FOXP1: variants seen among roughly 807,000 people sequenced by gnomAD.
FOXP1 encodes the protein forkhead box P1, also known as forkhead box protein P1.
In FOXP1, 15 loss-of-function variants were observed where a neutral mutation model predicts 98.2. That is an observed-to-expected ratio of 0.15 (90% CI 0.10 to 0.24). FOXP1 has a LOEUF of 0.24. FOXP1 is among the 10% of genes least tolerant of loss of function. FOXP1 has a pLI of 1.00. For synonymous variants in FOXP1, 371 were observed against 314.5 expected (o/e 1.18, Z -1.90); for missense variants, 633 against 848.5 (o/e 0.75, Z 3.15).
intron 4 of FOXP1, among the ~76,000 whole-genome samples, chr3:71,352,491 A>AC (rs2077862896): frequency 6.6e-6 from 1 of 151,048 alleles, no homozygotes; most frequent in East Asian, 1.9e-4. Context: ...AAAAAAAAAA[A>AC]AACACAACAG....
intron 2 of FOXP1, among the ~76,000 whole-genome samples, chr3:71,549,860 T>TAAAAAA (rs55826932): frequency 3.3e-5 from 2 of 59,944 alleles, no homozygotes; most frequent in Non-Finnish European, 3.2e-5. Context: ...ATGCTGGGAG[T>TAAAAAA]AAAAAAAAAA....
At chr3:71,417,151 C>A (rs1306421713) in intron 3 of FOXP1, among the ~76,000 whole-genome samples, 1 of 152,174 alleles carries the variant, frequency 6.6e-6, no homozygotes, top group Non-Finnish European at 1.5e-5. Context: ...GGTGGAGCTG[C>A]GGCTGGAGAG....
chr3:71,558,802 C>CTTTTTTTTTTTTT (rs35405702), intron 2 of FOXP1, among the ~76,000 whole-genome samples: 6 of 117,544 alleles, frequency 5.1e-5, no homozygotes, highest in African/African-American at 2.1e-4. Context: ...CCGATTCTCA[C>CTTTTTTTTTTTTT]TTTTTTTTTT....
At chr3:71,224,125 T>C (rs1475180553) in intron 5 of FOXP1, among the ~76,000 whole-genome samples, 4 of 152,224 alleles carry the variant, frequency 2.6e-5, no homozygotes, top group Non-Finnish European at 4.4e-5. Context: ...TCTGCTGAAA[T>C]CTGGTGAGGA....
intron 4 of FOXP1, among the ~76,000 whole-genome samples, chr3:71,345,863 A>C (rs1443218678): frequency 7.4e-6 from 1 of 135,566 alleles, no homozygotes; most frequent in East Asian, 2.1e-4. Flanking sequence ...AAATCAATAA[A>C]GTTTTTGTAA....
chr3:71,433,374 T>TCAGAA (rs1317254993), intron 3 of FOXP1, among the ~76,000 whole-genome samples: 1 of 152,168 alleles, frequency 6.6e-6, no homozygotes, highest in African/African-American at 2.4e-5. Context: ...TACGTGTCTA[T>TCAGAA]CAGAACAGAG....
intron 3 of FOXP1, among the ~76,000 whole-genome samples, chr3:71,456,621 C>T (rs2087533787): frequency 6.6e-6 from 1 of 152,154 alleles, no homozygotes; most frequent in African/African-American, 2.4e-5. Flanking sequence ...TCTTCAACAT[C>T]ACTTTCTTGT....
chr3:71,395,808 T>C (rs1003533577), intron 3 of FOXP1, among the ~76,000 whole-genome samples: 2 of 151,790 alleles, frequency 1.3e-5, no homozygotes, highest in African/African-American at 4.9e-5. Flanking sequence ...TAATGTATTC[T>C]CCTCTTTATA....
intron 5 of FOXP1, among the ~76,000 whole-genome samples, chr3:71,213,368 A>G (rs1405150361): frequency 2.6e-5 from 4 of 152,260 alleles, no homozygotes; most frequent in Non-Finnish European, 5.9e-5. Context: ...TCCTTAACAC[A>G]TAAGACCTTT....
chr3:71,004,336 CGAT>C (rs746697842), intron 12 of FOXP1, among the ~76,000 whole-genome samples: 3 of 151,868 alleles, frequency 2.0e-5, no homozygotes, highest in African/African-American at 4.8e-5. Context: ...TATTTAATCA[CGAT>C]GATGATGATC....
chr3:71,321,970 T>G (rs928911054), intron 4 of FOXP1, among the ~76,000 whole-genome samples: 7 of 152,234 alleles, frequency 4.6e-5, no homozygotes, highest in Non-Finnish European at 8.8e-5. Flanking sequence ...TTAACTTTGC[T>G]GATCTTCACT....
At chr3:71,386,897 T>C (rs923319871) in intron 3 of FOXP1, among the ~76,000 whole-genome samples, 2 of 152,158 alleles carry the variant, frequency 1.3e-5, no homozygotes, top group Non-Finnish European at 2.9e-5. Flanking sequence ...GTTACTGAAT[T>C]CTTTACTCCT....
At chr3:71,581,394 C>T in intron 2 of FOXP1, 155 bp downstream of exon 2, 1 of 985,402 alleles carries the variant, frequency 1.0e-6, no homozygotes, top group Middle Eastern at 5.2e-4. Flanking sequence ...TTTCGAAGCA[C>T]CTACCGGCCT....
intron 3 of FOXP1, among the ~76,000 whole-genome samples, chr3:71,428,879 C>T (rs893792553): frequency 1.3e-5 from 2 of 152,206 alleles, no homozygotes; most frequent in African/African-American, 4.8e-5. Context: ...CAACCTGGCT[C>T]GGCCAGGAGG....
intron 11 of FOXP1, among the ~76,000 whole-genome samples, chr3:71,017,822 AC>A (rs2044738613): frequency 6.6e-6 from 1 of 152,232 alleles, no homozygotes; most frequent in African/African-American, 2.4e-5. Flanking sequence ...ACCAGAAGAT[AC>A]ATTCAGAGAA....
In FOXP1 at chr3:71,281,090, G is replaced by A. The variant is rs544824824; in HGVS notation, c.-12+18730C>T. Among the ~76,000 whole-genome samples the A allele has an allele frequency of 1.6e-4, 24 of 150,546 alleles. No individual in the cohort carries two copies. The East Asian group carries it at 2.7e-3, about 17-fold the overall frequency. On this transcript the variant is annotated intron_variant, in intron 5 of 20. Coordinates refer to ENST00000649528, the MANE Select transcript of FOXP1 (RefSeq NM_001349338.3). ...GAAGAAGAAGAAAAAGTAGCCAGGC[G>A]TCGTGGTGCATGCCTGTAGTCCTAG...
rs899132230 is a variant in FOXP1, at chr3:71,153,336, C to T, written c.181-40699G>A. On this transcript the variant is annotated intron_variant, in intron 6 of 20. Coordinates refer to ENST00000649528, the MANE Select transcript of FOXP1 (RefSeq NM_001349338.3). ...TGTCGCTGCCAAGTTTTATTTTAGC[C>T]CTCATCAATCCAAACCTTTATTCCT... 2.0e-5 allele frequency among the ~76,000 whole-genome samples: 3 copies of T among 152,012 alleles called. No individual in the cohort carries two copies. The East Asian group carries it at 5.8e-4, about 29-fold the overall frequency.
chr3:71,369,397 C>A (rs1232834237), intron 3 of FOXP1, among the ~76,000 whole-genome samples: 1 of 151,346 alleles, frequency 6.6e-6, no homozygotes, highest in African/African-American at 2.4e-5. Context: ...CTCAAAAAAA[C>A]AAAAAAACAA....
intron 3 of FOXP1, among the ~76,000 whole-genome samples, chr3:71,439,342 G>C (rs560034794): frequency 6.6e-6 from 1 of 152,206 alleles, no homozygotes; most frequent in African/African-American, 2.4e-5. Flanking sequence ...AAAGGTAGCA[G>C]TGATGTAATG....
Sources: allele counts gnomAD v4.1 joint callset (sites outside exome capture counted in the v4.1 genomes callset), GRCh38; gene constraint gnomAD v4.1.1; transcripts MANE v1.5; gene names NCBI Gene and HGNC (gene_info 2026-07-23, HGNC 2026-07-21).